MYH8: variants seen among roughly 807,000 people sequenced by gnomAD.
The protein encoded by MYH8 is myosin heavy chain 8, also known as myosin-8.
Under a neutral mutation model 233.2 loss-of-function variants are expected in MYH8, and 168 were observed. That is an observed-to-expected ratio of 0.72 (90% CI 0.64 to 0.82). The LOEUF (loss-of-function observed/expected upper bound fraction) is 0.82. Among genes scored for constraint, MYH8 ranks in the 40% least tolerant of loss-of-function variants. MYH8 has a pLI of 0.00. For synonymous variants in MYH8, 785 were observed against 850.6 expected (o/e 0.92, Z 1.34); for missense variants, 1,995 against 2,327.8 (o/e 0.86, Z 2.94).
In MYH8 at chr17:10,417,252, T is replaced by C. The variant is rs898226226; in HGVS notation, c.511+1393A>G. Among the ~76,000 whole-genome samples, 1 of 152,270 alleles carries C rather than the reference T, an allele frequency of 6.6e-6. No individual in the cohort carries two copies. Among genetic ancestry groups the C allele is most frequent in the Non-Finnish European group, 1.5e-5 (1 of 68,044 alleles). On this transcript the variant is annotated intron_variant, in intron 5 of 39. Transcript: ENST00000403437. The surrounding 1 kb of genome is among the most constrained non-coding windows in gnomAD (Gnocchi z 4.1). ...TCTCTAATTCTATAGTGTTAGATTA[T>C]AGATTTTAGAGAATTCTAAAACCTA...
intron 22 of MYH8, among the ~76,000 whole-genome samples, chr17:10,403,672 A>G (rs1462210536): frequency 3.3e-5 from 5 of 152,282 alleles, no homozygotes; most frequent in East Asian, 1.9e-4. Context: ...TGGGAAAACT[A>G]TCCTTTTCAC....
At chr17:10,421,052 A>G (rs971801360) in intron 2 of MYH8, among the ~76,000 whole-genome samples, 5 of 152,132 alleles carry the variant, frequency 3.3e-5, no homozygotes, top group African/African-American at 1.2e-4. Context: ...CATGTAAGCC[A>G]TTGTCTTCTG....
chr17:10,403,632 A>G (rs1002581492), intron 22 of MYH8, among the ~76,000 whole-genome samples: 4 of 152,290 alleles, frequency 2.6e-5, no homozygotes, highest in Middle Eastern at 3.4e-3. Flanking sequence ...AAGGTATCAG[A>G]AGGAAAAATT....
chr17:10,406,098 T>G lies in MYH8; in HGVS notation c.2375A>C (p.Gln792Pro), dbSNP rs746866721. The G allele has an allele frequency of 6.2e-7, 1 of 1,614,062 alleles. No homozygotes were observed. Among genetic ancestry groups the G allele is most frequent in the Non-Finnish European group, 8.5e-7 (1 of 1,179,990 alleles). ...CATTAGGAATCCCCTACAGACAGCT[T>G]GTGTTCTTGTTATAATTTGGGCTAA... ...EKLAQIITRT[Q>P]AVCRGFLMRV... The change falls in exon 21 of 40, where the codon CAA (glutamine) becomes CCA (proline). Residue 792 changes from glutamine to proline, a missense_variant. Around this residue, in one of 3 missense-constraint regions of MYH8, gnomAD observed 1,498 missense variants for 1,680.9 expected, o/e 0.89. Transcript: ENST00000403437.
intron 21 of MYH8, 64 bp from the exon 22 acceptor site, chr17:10,404,649 C>A: frequency 6.3e-7 from 1 of 1,595,778 alleles, no homozygotes; most frequent in Non-Finnish European, 8.6e-7. Flanking sequence ...TGTTACTTAT[C>A]ACACACAAAT....
chr17:10,412,455 G>A lies in MYH8; in HGVS notation c.1331C>T (p.Thr444Ile), dbSNP rs762610774. Reference sequence around the variant, plus strand: ...GGTGTCCAGCTGCTGGTTGATGCGGGTGACCATCCACAGGAACATCTTCTC... The same window carrying A: ...GGTGTCCAGCTGCTGGTTGATGCGGATGACCATCCACAGGAACATCTTCTC... ...VYEKMFLWMV[T>I]RINQQLDTKQ... The change falls in exon 14 of 40, where the codon ACC (threonine) becomes ATC (isoleucine). Residue 444 changes from threonine to isoleucine, a missense_variant. Coordinates refer to ENST00000403437, the MANE Select transcript of MYH8 (RefSeq NM_002472.3). 1.9e-6 allele frequency: 3 copies of A among 1,614,236 alleles called. No individual in the cohort carries two copies. Among genetic ancestry groups the A allele is most frequent in the South Asian group, 2.2e-5 (2 of 91,084 alleles).
In MYH8 at chr17:10,392,900, A is replaced by G. The variant is rs749599374; in HGVS notation, c.5394T>C (p.His1798=). 3 of 1,614,108 alleles carry G rather than the reference A, an allele frequency of 1.9e-6. No homozygotes were observed. The highest frequency in any genetic ancestry group is 2.5e-6 in the Non-Finnish European group (3 of 1,179,994). ...CCAGCTGCTCGGCCTCATCTAGACG[A>G]TGCTGCAGGTCCTTCACCGTCTGCT... ...NLEQTVKDLQ[H]RLDEAEQLAL... is the part of the protein sequence containing the mutation. Residue 1798 remains histidine (H), a synonymous_variant, in exon 37 of 40, where the codon CAT becomes CAC. Coordinates refer to ENST00000403437, the MANE Select transcript of MYH8 (RefSeq NM_002472.3).
In MYH8 at chr17:10,393,020, A is replaced by G. The variant is rs2072044107; in HGVS notation, c.5293-19T>C. On this transcript the variant is annotated intron_variant, in intron 36 of 39. Coordinates refer to ENST00000403437, the MANE Select transcript of MYH8 (RefSeq NM_002472.3). Reference sequence around the variant, plus strand: ...TGGCAGCCTATTTAGGAAATAAATTAAGAAAGTAATGAAACTTGATGATAG... The same window carrying G: ...TGGCAGCCTATTTAGGAAATAAATTGAGAAAGTAATGAAACTTGATGATAG... 6.2e-7 allele frequency: 1 copy of G among 1,614,090 alleles called. No homozygotes were observed.
At chr17:10,394,543 A>C in intron 34 of MYH8, 91 bp from the exon 35 acceptor site, 1 of 1,461,832 alleles carries the variant, frequency 6.8e-7, no homozygotes, top group Non-Finnish European at 9.4e-7. Context: ...TGGTGACAGG[A>C]ACAGAAGATG....
At chr17:10,407,003 T>C in intron 17 of MYH8, 24 bp from the exon 18 acceptor site, 1 of 1,589,002 alleles carries the variant, frequency 6.3e-7, no homozygotes, top group Admixed American at 1.7e-5. Context: ...CAGAAAGGAC[T>C]TGATGAAAAA....
intron 15 of MYH8, 132 bp from the exon 16 acceptor site, chr17:10,409,720 G>C: frequency 8.1e-7 from 1 of 1,230,940 alleles, no homozygotes; most frequent in South Asian, 1.3e-5. Flanking sequence ...GTCACAGCTC[G>C]AAGAAGTCCC....
intron 35 of MYH8, 110 bp downstream of exon 35, chr17:10,394,139 C>T: frequency 7.2e-7 from 1 of 1,389,946 alleles, no homozygotes; most frequent in South Asian, 1.2e-5. Flanking sequence ...TGAGCATATC[C>T]CCCATCCATG....
rs149628973 is a variant in MYH8 at position 10,401,065 on chromosome 17, G to A, written c.3235C>T (p.Leu1079Phe). 4 of 1,614,006 alleles carry A rather than the reference G, an allele frequency of 2.5e-6. No individual in the cohort carries two copies. The highest frequency in any genetic ancestry group is 3.4e-6 in the Non-Finnish European group (4 of 1,180,030). ...TMDMENDKQQLDEKLEKKEFE... is the reference protein window; with the variant it reads ...TMDMENDKQQFDEKLEKKEFE... ...TCCTACTTTTCAAGCTTTTCATCAAGTTGCTGTTTGTCATTTTCCATATCC... is the reference window on the plus strand; with the variant it reads ...TCCTACTTTTCAAGCTTTTCATCAAATTGCTGTTTGTCATTTTCCATATCC... Residue 1079 changes from leucine (L) to phenylalanine (F), a missense_variant, in exon 25 of 40, where the codon CTT becomes TTT. Leu to Phe is a conservative substitution (Grantham distance 22, BLOSUM62 0). Around this residue, in one of 3 missense-constraint regions of MYH8, gnomAD observed 1,498 missense variants for 1,680.9 expected, o/e 0.89. Transcript: ENST00000403437.
intron 37 of MYH8, 63 bp downstream of exon 37, chr17:10,392,766 AAG>A (rs1292938477): frequency 3.1e-6 from 5 of 1,614,140 alleles, no homozygotes; most frequent in Non-Finnish European, 4.2e-6. Flanking sequence ...CTTGTGTAGG[AAG>A]AGAGAAGGGT....
chr17:10,412,667 G>T lies in MYH8; in HGVS notation c.1209C>A (p.Cys403Ter), dbSNP rs144321381. ...LNSADLLKAL[C>*]YPRVKVGNEY... Reference sequence around the variant, plus strand: ...CATTGCCAACCTTGACCCTAGGGTAGCAGAGGGCTTTGAGTAGGTCTGCAG... The same window carrying T: ...CATTGCCAACCTTGACCCTAGGGTATCAGAGGGCTTTGAGTAGGTCTGCAG... The change falls in exon 13 of 40, where the codon TGC becomes TGA. Residue 403 changes from cysteine to a stop codon, truncating the protein, a stop_gained. Coordinates refer to ENST00000403437, the MANE Select transcript of MYH8 (RefSeq NM_002472.3). LOFTEE classifies it high-confidence loss of function. 1.4e-3 allele frequency: 2,326 copies of T among 1,614,262 alleles called. 5 individuals are homozygous for T. Among genetic ancestry groups the T allele is most frequent in the Non-Finnish European group, 1.8e-3 (2,081 of 1,180,046 alleles).
Position 10,392,884 on chromosome 17 carries a change from C to T in MYH8, c.5410G>A (p.Glu1804Lys), listed in dbSNP as rs781745071. The change falls in exon 37 of 40, where the codon GAG (glutamate) becomes AAG (lysine). Residue 1804 changes from glutamate to lysine, a missense_variant. Glu to Lys is a moderately conservative substitution (Grantham distance 56, BLOSUM62 1). Around this residue, in one of 3 missense-constraint regions of MYH8, gnomAD observed 1,498 missense variants for 1,680.9 expected, o/e 0.89. Transcript: ENST00000403437. ...KDLQHRLDEA[E>K]QLALKGGKKQ... ...TTCCCACCCTTCAGCGCCAGCTGCT[C>T]GGCCTCATCTAGACGATGCTGCAGG... The T allele has an allele frequency of 5.6e-6, 9 of 1,614,182 alleles. No individual in the cohort carries two copies. The highest frequency in any genetic ancestry group is 1.6e-4 in the Middle Eastern group (1 of 6,062).
chr17:10,412,240 A>T, intron 14 of MYH8, 130 bp downstream of exon 14: 2 of 1,556,212 alleles, frequency 1.3e-6, no homozygotes. Context: ...TATTTTGGAG[A>T]TAACCTTTGT....
At chr17:10,390,883 T>C (rs1047627015) in intron 39 of MYH8, among the ~76,000 whole-genome samples, 3 of 152,208 alleles carry the variant, frequency 2.0e-5, no homozygotes, top group African/African-American at 7.2e-5. Context: ...TGTACACTTA[T>C]AGACATCAGT....
rs772655300 is a variant in MYH8, at chr17:10,395,286, C to T, written c.4809G>A (p.Thr1603=). 55 of 1,614,054 alleles carry T rather than the reference C, an allele frequency of 3.4e-5. No individual in the cohort carries two copies. Among genetic ancestry groups the T allele is most frequent in the South Asian group, 5.5e-5 (5 of 91,084 alleles). Residue 1603 remains threonine (T), a synonymous_variant, in exon 34 of 40, where the codon ACG becomes ACA. Transcript: ENST00000403437. ...TTCTGCTTCTAATCTCTGCATCCAG[C>T]GTGCTCTGCATTGTCTCCACGACTC... ...HTRVVETMQS[T]LDAEIRSRND...
Sources: gnomAD v4.1 joint callset for allele counts (sites outside exome capture counted in the v4.1 genomes callset) on GRCh38, gnomAD v4.1.1 for gene constraint, gnomAD v4.1.1 regional missense constraint, Gnocchi (gnomAD v3.1) non-coding constraint, MANE v1.5 for transcripts, NCBI Gene and HGNC (gene_info 2026-07-23, HGNC 2026-07-21) for gene names.